EVPL: variants seen among roughly 807,000 people sequenced by gnomAD.
The protein encoded by EVPL is 210 kDa cornified envelope precursor protein.
Under a neutral mutation model 129.7 loss-of-function variants are expected in EVPL, and 94 were observed. The ratio of observed to expected loss-of-function variants is 0.72; its 90% CI spans 0.61 to 0.86. The LOEUF is 0.86. Among genes scored for constraint, EVPL ranks in the 40% least tolerant of loss-of-function variants. The probability of loss-of-function intolerance (pLI) is 0.00; values close to 1 mark genes in which losing one functional copy is unlikely to be tolerated. For synonymous variants in EVPL, 1,172 were observed against 1,191.1 expected, an observed-to-expected ratio of 0.98 and a Z score of 0.33; for missense variants, 2,625 against 2,721.1, an observed-to-expected ratio of 0.96 and a Z score of 0.79.
chr17:76,027,036 AGGACCTGGGC>A (rs2066502986), intron 1 of EVPL, 55 bp downstream of exon 1: 1 of 1,005,418 alleles, frequency 9.9e-7, no homozygotes, highest in African/African-American at 1.7e-5. Context: ...AGGTGGCTCA[AGGACCTGGGC>A]CTGGCACCAC....
intron 1 of EVPL, among the ~76,000 whole-genome samples, chr17:76,025,539 G>A (rs1465304739): frequency 3.3e-5 from 5 of 152,294 alleles, no homozygotes; most frequent in Non-Finnish European, 5.9e-5. Context: ...CTCAGGTCCC[G>A]CCTCCTGGGA....
At chr17:76,011,467 G>C in intron 21 of EVPL, 109 bp downstream of exon 21, 1 of 977,666 alleles carries the variant, frequency 1.0e-6, no homozygotes, top group Non-Finnish European at 1.6e-6. Context: ...GCAGGAGGGA[G>C]AGGAGGGAAG....
rs144086231 is a variant in EVPL, at chr17:76,010,064, G to A, written c.3141C>T (p.Ala1047=). ...GCCCTTCCAGCCGGGCCGAGATGAC[G>A]GCATCCTCCCCGCGGAGCTGCTGGA... ...IQIQQLRGED[A]VISARLEGLK... is the part of the protein sequence containing the mutation. Residue 1047 remains alanine (A), a synonymous_variant, in exon 22 of 22, where the codon GCC becomes GCT. Coordinates refer to ENST00000301607, the MANE Select transcript of EVPL (RefSeq NM_001988.4). 2.9e-5 allele frequency: 46 copies of A among 1,613,286 alleles called. 1 individual carries two copies. The highest frequency in any genetic ancestry group is 2.3e-4 in the African/African-American group (17 of 75,046).
chr17:76,009,362 G>A lies in EVPL; in HGVS notation c.3843C>T (p.Val1281=). The A allele has an allele frequency of 1.9e-6, 3 of 1,613,560 alleles. No individual in the cohort carries two copies. The highest frequency in any genetic ancestry group is 2.7e-5 in the African/African-American group (2 of 75,042). ...DRLKAQLNEL[V]NSHGRSQEQL... is the part of the protein sequence containing the mutation. ...GCTCCTGGGAGCGCCCGTGGCTGTT[G>A]ACGAGCTCGTTGAGCTGAGCCTTCA... The change falls in exon 22 of 22, where the codon GTC becomes GTT. Residue 1281 remains valine, a synonymous_variant. Coordinates refer to ENST00000301607, the MANE Select transcript of EVPL (RefSeq NM_001988.4). The surrounding 1 kb of genome is among the most constrained non-coding windows in gnomAD (Gnocchi z 5.9).
Position 76,015,035 on chromosome 17 carries a change from G to A in EVPL, c.2103C>T (p.His701=), listed in dbSNP as rs773262787. 1.0e-5 allele frequency: 16 copies of A among 1,592,226 alleles called. No homozygotes were observed. The highest frequency in any genetic ancestry group is 1.3e-5 in the Non-Finnish European group (15 of 1,174,318). Reference sequence around the variant, plus strand: ...AGTTGTTCTGCAGGGCAGCGCATGCGTGCTCCGAGGCCTTCAGCGCGCGGT... The same window carrying A: ...AGTTGTTCTGCAGGGCAGCGCATGCATGCTCCGAGGCCTTCAGCGCGCGGT... ...RLHRALKASE[H]ACAALQNNFQ... Residue 701 remains histidine, a synonymous_variant, in exon 17 of 22, where the codon CAC becomes CAT. Coordinates refer to ENST00000301607, the MANE Select transcript of EVPL (RefSeq NM_001988.4).
At position 76,009,629 on chromosome 17, in the gene EVPL, G is replaced by A. The variant is rs559827414; in HGVS notation, c.3576C>T (p.Leu1192=). ...GGAAGATCTCGTGGACGCGCTCCTG[G>A]AGCTGCACTTTGGGCCTCTGCTTCT... is the stretch of plus-strand genomic sequence containing the variant. ...VVEKQRPKVQ[L]QERVHEIFQV... The change falls in exon 22 of 22, where the codon CTC becomes CTT. Residue 1192 remains leucine, a synonymous_variant. Transcript: ENST00000301607. The surrounding 1 kb of genome is among the most constrained non-coding windows in gnomAD (Gnocchi z 5.9). 31 of 1,613,876 alleles carry A rather than the reference G, an allele frequency of 1.9e-5. No individual in the cohort carries two copies. The African/African-American group carries it at 3.9e-4, about 20-fold the overall frequency.
At chr17:76,019,786 C>A in intron 9 of EVPL, 133 bp from the exon 10 acceptor site, 15 of 1,160,340 alleles carry the variant, frequency 1.3e-5, no homozygotes, top group Non-Finnish European at 1.6e-5. Flanking sequence ...ACCAGCTAAA[C>A]ACAAACCAGA....
chr17:76,014,709 C>T (rs753526942), intron 17 of EVPL, 133 bp from the exon 18 acceptor site: 8 of 1,293,144 alleles, frequency 6.2e-6, no homozygotes, highest in Non-Finnish European at 8.5e-6. Context: ...GTGCAGATCC[C>T]CACTCCCTGA....
intron 9 of EVPL, among the ~76,000 whole-genome samples, chr17:76,019,906 CTAAACCAGCTAAACT>C (rs1342966460): frequency 2.0e-5 from 3 of 152,064 alleles, no homozygotes. Flanking sequence ...CCAGGTAAAC[CTAAACCAGCTAAACT>C]TAAACCAGCT....
At chr17:76,012,962 T>G (rs1306052350) in intron 18 of EVPL, among the ~76,000 whole-genome samples, 1 of 151,866 alleles carries the variant, frequency 6.6e-6, no homozygotes, top group Non-Finnish European at 1.5e-5. Context: ...GCCAGGATGG[T>G]CTCGATCTCC....
Position 76,009,185 on chromosome 17 carries a change from C to A in EVPL, c.4020G>T (p.Ala1340=), listed in dbSNP as rs1187920098. 3.1e-6 allele frequency: 5 copies of A among 1,610,804 alleles called. No homozygotes were observed. Among genetic ancestry groups the A allele is most frequent in the Non-Finnish European group, 4.2e-6 (5 of 1,179,906 alleles). ...AERLRQEVRE[A]AQKRRAAEDA... ...CCTCCGCGGCCCGCCTCTTCTGGGC[C>A]GCCTCCCGCACCTCCTGGCGGAGCC... The change falls in exon 22 of 22, where the codon GCG becomes GCT. Residue 1340 remains alanine, a synonymous_variant. Transcript: ENST00000301607. The surrounding 1 kb of genome is among the most constrained non-coding windows in gnomAD (Gnocchi z 5.9).
In EVPL at chr17:76,018,576, A is replaced by G. The variant is rs1323051851; in HGVS notation, c.1309T>C (p.Tyr437His). The G allele has an allele frequency of 6.2e-7, 1 of 1,607,048 alleles. No individual in the cohort carries two copies. The highest frequency in any genetic ancestry group is 2.2e-5 in the East Asian group (1 of 44,724). Residue 437 changes from tyrosine to histidine, a missense_variant, in exon 12 of 22, where the codon TAT (tyrosine) becomes CAT (histidine). Physicochemically the swap from Tyr to His is moderately conservative, Grantham distance 83. Transcript: ENST00000301607. Reference protein sequence around the residue: ...GEVQLLQGERYKLVDNTDPHA... With the variant: ...GEVQLLQGERHKLVDNTDPHA... ...GGGTCAGTGTTATCTACCAGCTTAT[A>G]CCGCTCACCCTGCAGCAGCTGCACC...
chr17:76,015,491 C>A lies in EVPL; in HGVS notation c.1848G>T (p.Lys616Asn). ...LPVALNSVKN[K>N]FSDVQVLCSL... ...TGCACAGAACCTGCACGTCACTGAACTTGTTCTTCACGCTGTTGAGGGCTA... is the reference window on the plus strand; with the variant it reads ...TGCACAGAACCTGCACGTCACTGAAATTGTTCTTCACGCTGTTGAGGGCTA... The change falls in exon 15 of 22, where the codon AAG becomes AAT. Residue 616 changes from lysine to asparagine, a missense_variant. By Grantham distance (94) the Lys-to-Asn change is moderately conservative. Around this residue, in one of 4 missense-constraint regions of EVPL, gnomAD observed 1,024 missense variants for 997.5 expected, o/e 1.03. Coordinates refer to ENST00000301607, the MANE Select transcript of EVPL (RefSeq NM_001988.4). 1 of 1,613,312 alleles carries A rather than the reference C, an allele frequency of 6.2e-7. No homozygotes were observed. Among genetic ancestry groups the A allele is most frequent in the Non-Finnish European group, 8.5e-7 (1 of 1,180,022 alleles).
In EVPL at chr17:76,008,664, G is replaced by A. The variant is rs1288792258; in HGVS notation, c.4541C>T (p.Ser1514Leu). The A allele has an allele frequency of 5.0e-6, 8 of 1,612,610 alleles. No individual in the cohort carries two copies. Among genetic ancestry groups the A allele is most frequent in the East Asian group, 2.2e-5 (1 of 44,862 alleles). Reference protein sequence around the residue: ...VQIDVLQKAKSQEKTIYKEVI... With the variant: ...VQIDVLQKAKLQEKTIYKEVI... The stretch of plus-strand genomic sequence containing the variant: ...TTCCTTGTAGATGGTCTTCTCCTGC[G>A]ATTTGGCTTTCTGGAGGACGTCAAT... Residue 1514 changes from serine (S) to leucine (L), a missense_variant, in exon 22 of 22, where the codon TCG becomes TTG. Physicochemically the swap from Ser to Leu is moderately radical, Grantham distance 145. Around this residue, in one of 4 missense-constraint regions of EVPL, gnomAD observed 1,453 missense variants for 1,511.8 expected, o/e 0.96. Transcript: ENST00000301607. This position sits in a 1 kb window ranked among gnomAD's most constrained non-coding sequence, Gnocchi z 7.4.
rs748767340 is a variant in EVPL at position 76,023,497 on chromosome 17, C to A, written c.353+3G>T. The A allele has an allele frequency of 1.1e-5, 17 of 1,612,758 alleles. No homozygotes were observed. The highest frequency in any genetic ancestry group is 5.5e-5 in the South Asian group (5 of 91,066). On this transcript the variant is annotated splice_donor_region_variant and intron_variant, in intron 3 of 21. Transcript: ENST00000301607. ...CCCCCAGCCCTGCCGCAGCTCCACT[C>A]ACTCCTTCTCAATCTCCTCAGCCTG...
In EVPL at chr17:76,018,141, C is replaced by G. The variant is rs773773376; in HGVS notation, c.1537+20G>C. 24 of 1,550,710 alleles carry G rather than the reference C, an allele frequency of 1.5e-5. No individual in the cohort carries two copies. The highest frequency in any genetic ancestry group is 2.0e-5 in the Admixed American group (1 of 50,982). ...TCCTTCTAGCCCCACAGCCACCTCT[C>G]CCCGGGCCACCCTGGGTACCCTGCT... On this transcript the variant is annotated intron_variant, in intron 13 of 21. Transcript: ENST00000301607.
In EVPL at chr17:76,014,605, A is replaced by C. The variant is rs781429720; in HGVS notation, c.2223-29T>G. 66 of 1,605,946 alleles carry C rather than the reference A, an allele frequency of 4.1e-5. No individual in the cohort carries two copies. The Admixed American group carries it at 9.1e-4, about 22-fold the overall frequency. ...CAGGAGGACGAGGCCCAGAACAGAGATAAGACCTGCCCCGTGGGGACAGGG... is the reference window on the plus strand; with the variant it reads ...CAGGAGGACGAGGCCCAGAACAGAGCTAAGACCTGCCCCGTGGGGACAGGG... On this transcript the variant is annotated intron_variant, in intron 17 of 21. Transcript: ENST00000301607.
chr17:76,009,826 T>C lies in EVPL; in HGVS notation c.3379A>G (p.Ile1127Val), dbSNP rs759509889. 1.5e-5 allele frequency: 25 copies of C among 1,614,026 alleles called. No individual in the cohort carries two copies. The East Asian group carries it at 2.9e-4, about 19-fold the overall frequency. ...ATGACCTTGGGCTCCACCGAGCTGA[T>C]AGCCCGCTCCAGGTCTTCGATGCGA... ...QARIEDLERA[I>V]SSVEPKVIVK... The change falls in exon 22 of 22, where the codon ATC becomes GTC. Residue 1127 changes from isoleucine to valine, a missense_variant. By Grantham distance (29) the Ile-to-Val change is conservative. Coordinates refer to ENST00000301607, the MANE Select transcript of EVPL (RefSeq NM_001988.4). The surrounding 1 kb of genome is among the most constrained non-coding windows in gnomAD (Gnocchi z 5.9).
In EVPL at chr17:76,018,362, G is replaced by A. The variant is rs2066432752; in HGVS notation, c.1439+84C>T. The A allele has an allele frequency of 2.6e-6, 4 of 1,526,804 alleles. No homozygotes were observed. The Admixed American group carries it at 8.5e-5, about 33-fold the overall frequency. 94.6% of individuals were successfully genotyped at this position (1,526,804 alleles called of 1,614,324 possible). ...GGTGAAGGCCAGCCTTTGAGCAGGGGTCTGTTGGGCCATGGGCTTGGACAC... is the reference window on the plus strand; with the variant it reads ...GGTGAAGGCCAGCCTTTGAGCAGGGATCTGTTGGGCCATGGGCTTGGACAC... On this transcript the variant is annotated intron_variant, in intron 12 of 21. Coordinates refer to ENST00000301607, the MANE Select transcript of EVPL (RefSeq NM_001988.4).
Sources: allele counts gnomAD v4.1 joint callset (sites outside exome capture counted in the v4.1 genomes callset), GRCh38; gene constraint gnomAD v4.1.1; regional missense constraint gnomAD v4.1.1; non-coding constraint Gnocchi (gnomAD v3.1); transcripts MANE v1.5; gene names NCBI Gene and HGNC (gene_info 2026-07-23, HGNC 2026-07-21).